Variants in ZMYND8 observed in about 807,000 individuals in gnomAD.
The protein encoded by ZMYND8 is MYND-type zinc finger-containing chromatin reader ZMYND8.
ZMYND8 carries 37 observed loss-of-function variants against 140.8 expected under a neutral mutation model. The ratio of observed to expected loss-of-function variants is 0.26; its 90% confidence interval spans 0.20 to 0.35. ZMYND8 has a LOEUF of 0.35. Among genes scored for constraint, ZMYND8 ranks in the 10% least tolerant of loss-of-function variants. The probability of loss-of-function intolerance (pLI) is 1.00; values close to 1 mark genes in which losing one functional copy is unlikely to be tolerated. For synonymous variants in ZMYND8, 592 were observed against 597.1 expected (o/e 0.99, Z 0.12); for missense variants, 1,068 against 1,570.0 (o/e 0.68, Z 5.40).
chr20:47,278,099 A>G (rs2076369207), intron 10 of ZMYND8, among the ~76,000 whole-genome samples: 3 of 152,108 alleles, frequency 2.0e-5, no homozygotes, highest in South Asian at 4.1e-4. Flanking sequence ...CAGCCTCCCA[A>G]GTAGTGGAAG....
chr20:47,332,666 T>C (rs1226985243), intron 2 of ZMYND8, among the ~76,000 whole-genome samples: 2 of 152,152 alleles, frequency 1.3e-5, no homozygotes, highest in Non-Finnish European at 2.9e-5. Context: ...GCGAGGATCA[T>C]GCCACTGCAC....
At chr20:47,350,454 T>C (rs1317863834) in intron 1 of ZMYND8, among the ~76,000 whole-genome samples, 1 of 150,528 alleles carries the variant, frequency 6.6e-6, no homozygotes, top group African/African-American at 2.5e-5. Context: ...TCGGTTTTTT[T>C]GTGTGTGTGT....
At chr20:47,292,221 CCTGA>C (rs2077310482) in intron 5 of ZMYND8, among the ~76,000 whole-genome samples, 1 of 152,214 alleles carries the variant, frequency 6.6e-6, no homozygotes, top group Admixed American at 6.5e-5. Context: ...CACTTTCTCC[CCTGA>C]CTGATTTGAC....
At chr20:47,282,246 T>C (rs1407026058) in intron 9 of ZMYND8, 29 bp from the exon 10 acceptor site, 7 of 1,594,404 alleles carry the variant, frequency 4.4e-6, no homozygotes, top group Non-Finnish European at 6.0e-6. Context: ...GATCCAGAGT[T>C]TGTACATATT....
intron 3 of ZMYND8, among the ~76,000 whole-genome samples, chr20:47,303,774 T>C (rs2078264890): frequency 6.6e-6 from 1 of 152,090 alleles, no homozygotes; most frequent in Non-Finnish European, 1.5e-5. Context: ...CTCTGTCTGA[T>C]AGTAGCCGAG....
chr20:47,294,809 C>A, intron 4 of ZMYND8, 30 bp from the exon 5 acceptor site: 1 of 1,597,328 alleles, frequency 6.3e-7, no homozygotes, highest in Admixed American at 1.7e-5. Flanking sequence ...CATAAACGTC[C>A]GGTTAGAAAA....
intron 19 of ZMYND8, among the ~76,000 whole-genome samples, chr20:47,221,971 T>C (rs1284837803): frequency 6.6e-6 from 1 of 151,670 alleles, no homozygotes; most frequent in Admixed American, 6.6e-5. Context: ...CTAGCCAACA[T>C]GTTGATTTTT....
rs532293285 is a variant in ZMYND8, at chr20:47,336,285, C to T, written c.85+11571G>A. 3.3e-5 allele frequency among the ~76,000 whole-genome samples: 5 copies of T among 152,292 alleles called. No individual in the cohort carries two copies. In the South Asian group the frequency reaches 8.3e-4, roughly 25 times the overall value. ...AGCATCCTGTCTCTGAAAACACATC[C>T]ATACCCCCAGCAAATCTCAGCAAGA... On this transcript the variant is annotated intron_variant, in intron 2 of 22. Coordinates refer to ENST00000471951, the MANE Select transcript of ZMYND8 (RefSeq NM_001281775.3).
chr20:47,258,873 G>C (rs1204519648), intron 12 of ZMYND8, among the ~76,000 whole-genome samples: 1 of 152,002 alleles, frequency 6.6e-6, no homozygotes, highest in Non-Finnish European at 1.5e-5. Context: ...TTAGGTCATT[G>C]CAATCCCAGC....
chr20:47,279,040 C>CA (rs2076431425), intron 10 of ZMYND8, among the ~76,000 whole-genome samples: 1 of 152,080 alleles, frequency 6.6e-6, no homozygotes, highest in Non-Finnish European at 1.5e-5. Flanking sequence ...GTATCATAAC[C>CA]TCGCCCCCCT....
In ZMYND8 at chr20:47,331,052, G is replaced by C. The variant is rs139862274; in HGVS notation, c.85+16804C>G. On this transcript the variant is annotated intron_variant, in intron 2 of 22. Coordinates refer to ENST00000471951, the MANE Select transcript of ZMYND8 (RefSeq NM_001281775.3). ...GTCAGTGTGGCTGGAGAAGAGAGAA[G>C]TGGAACACGGAGAGAAGTGGAACAC... is the stretch of plus-strand genomic sequence containing the variant. Among the ~76,000 whole-genome samples the C allele has an allele frequency of 3.6e-3, 555 of 152,278 alleles. 5 individuals carry two copies. Among genetic ancestry groups the C allele is most frequent in the African/African-American group, 0.012 (517 of 41,576 alleles).
At chr20:47,236,185 G>C in intron 16 of ZMYND8, 141 bp downstream of exon 16, 1 of 946,990 alleles carries the variant, frequency 1.1e-6, no homozygotes, top group Non-Finnish European at 1.6e-6. Flanking sequence ...CGTGGTCTTG[G>C]AGATTCTGTT....
intron 11 of ZMYND8, among the ~76,000 whole-genome samples, chr20:47,267,499 G>C (rs549402018): frequency 7.6e-5 from 11 of 144,278 alleles, no homozygotes; most frequent in Non-Finnish European, 1.7e-4. Context: ...GCCGGGGCGG[G>C]GGGGGGGCAA....
Position 47,310,044 on chromosome 20 carries a change from C to G in ZMYND8, c.234+12G>C. On this transcript the variant is annotated intron_variant, in intron 3 of 22. Coordinates refer to ENST00000471951, the MANE Select transcript of ZMYND8 (RefSeq NM_001281775.3). ...CCACCAGTGAGGACACCGTTCCCAG[C>G]GGCTGCTTTACCTGCTCCTTATTGT... 2 of 1,614,090 alleles carry G rather than the reference C, an allele frequency of 1.2e-6. No individual in the cohort carries two copies.
chr20:47,285,223 G>T (rs1440914365), intron 8 of ZMYND8, among the ~76,000 whole-genome samples: 2 of 152,196 alleles, frequency 1.3e-5, no homozygotes, highest in African/African-American at 4.8e-5. Flanking sequence ...ACTGATATTT[G>T]TTATTCCTTT....
At position 47,233,938 on chromosome 20, in the gene ZMYND8, T is replaced by A. The variant is rs905834663; in HGVS notation, c.2856+2388A>T. Among the ~76,000 whole-genome samples, 8 of 152,302 alleles carry A rather than the reference T, an allele frequency of 5.3e-5. No homozygotes were observed. In the South Asian group the frequency reaches 6.2e-4, roughly 12 times the overall value. ...TATTTTGTGCCCATCTGTAATCCCC[T>A]CCCTCTGACCTAGCAACTTGCTTCT... On this transcript the variant is annotated intron_variant, in intron 16 of 22. Coordinates refer to ENST00000471951, the MANE Select transcript of ZMYND8 (RefSeq NM_001281775.3).
At chr20:47,346,393 GGCTGGGTCAT>G (rs2082335828) in intron 2 of ZMYND8, among the ~76,000 whole-genome samples, 1 of 152,166 alleles carries the variant, frequency 6.6e-6, no homozygotes, top group African/African-American at 2.4e-5. Context: ...ACCCAGCACA[GGCTGGGTCAT>G]GCTGTGATGA....
chr20:47,349,901 T>C (rs191730795), intron 1 of ZMYND8: 24 of 1,535,516 alleles, frequency 1.6e-5, no homozygotes, highest in Admixed American at 5.9e-5. Context: ...CAAAGGTGTA[T>C]TGATCATGGA....
intron 2 of ZMYND8, among the ~76,000 whole-genome samples, chr20:47,345,051 G>A (rs1417015808): frequency 6.6e-6 from 1 of 152,162 alleles, no homozygotes; most frequent in African/African-American, 2.4e-5. Flanking sequence ...CCAGGAGATT[G>A]AGGCTACAGT....
Sources: allele counts gnomAD v4.1 joint callset (sites outside exome capture counted in the v4.1 genomes callset), GRCh38; gene constraint gnomAD v4.1.1; transcripts MANE v1.5; gene names NCBI Gene and HGNC (gene_info 2026-07-23, HGNC 2026-07-21).